The following THEM6 variants were observed in gnomAD, a reference collection of about 807,000 sequenced individuals.
THEM6 encodes thioesterase superfamily member 6, also known as protein THEM6.
Under a neutral mutation model 13.7 loss-of-function variants are expected in THEM6, and 10 were observed. That is an observed-to-expected ratio of 0.73 (90% CI 0.45 to 1.24). The LOEUF (loss-of-function observed/expected upper bound fraction) is 1.24, where lower values mean the gene tolerates loss of function less well. THEM6 is among the 50% of genes most tolerant of loss of function. The pLI, the probability that THEM6 is intolerant of heterozygous loss-of-function variation, is 0.00. For missense variants in THEM6, 317 were observed against 312.6 expected (o/e 1.01, Z -0.11); for synonymous variants, 161 against 156.0 (o/e 1.03, Z -0.24).
chr8:142,735,497 GA>G lies in THEM6; in HGVS notation c.*59del. 3 of 1,293,788 alleles carry G rather than the reference GA, an allele frequency of 2.3e-6. No homozygotes were observed. The highest frequency in any genetic ancestry group is 3.3e-6 in the Non-Finnish European group (3 of 916,820). The allele number at this position is 1,293,788 out of a possible 1,614,324, so 80.1% of individuals were successfully genotyped here. On this transcript the variant is annotated 3_prime_UTR_variant, in exon 2 of 2. Transcript: ENST00000336138. ...ATCCTGGGCCTGGGGGCTGCCCACA[GA>G]TGGGCAGTCTCAGCCATACTCTGTT...
At chr8:142,730,693 A>G (rs1428844185) in intron 1 of THEM6, among the ~76,000 whole-genome samples, 24 of 152,152 alleles carry the variant, frequency 1.6e-4, no homozygotes, top group African/African-American at 5.3e-4. Flanking sequence ...ATACCAGATA[A>G]GTTAAATTTT....
chr8:142,732,208 T>A (rs11785127), intron 1 of THEM6, among the ~76,000 whole-genome samples: 2,412 of 38,238 alleles, frequency 0.063, 43 homozygotes, highest in East Asian at 0.11. Flanking sequence ...ATATATATAT[T>A]TTAACTACTG....
At position 142,727,292 on chromosome 8, in the gene THEM6, G is replaced by A. The variant is rs1815507880; in HGVS notation, c.-55G>A. ...GGCGGGCACCGTAACCAGCGCCGCGGACACCGGCACCGGCGCCACGGACTC... is the reference window on the plus strand; with the variant it reads ...GGCGGGCACCGTAACCAGCGCCGCGAACACCGGCACCGGCGCCACGGACTC... On this transcript the variant is annotated 5_prime_UTR_variant, in exon 1 of 2. Coordinates refer to ENST00000336138, the MANE Select transcript of THEM6 (RefSeq NM_016647.3). 4 of 1,411,028 alleles carry A rather than the reference G, an allele frequency of 2.8e-6. No homozygotes were observed. The highest frequency in any genetic ancestry group is 2.7e-6 in the Non-Finnish European group (3 of 1,091,384). 87.4% of individuals were successfully genotyped at this position (1,411,028 alleles called of 1,614,324 possible). A position where few individuals can be genotyped will look rare whatever the true frequency, so the allele number is the denominator to read the frequency against.
intron 1 of THEM6, among the ~76,000 whole-genome samples, chr8:142,729,262 G>A (rs1234411384): frequency 6.6e-6 from 1 of 152,066 alleles, no homozygotes; most frequent in Non-Finnish European, 1.5e-5. Flanking sequence ...CCCCGGTGCC[G>A]TAAAGAAATA....
At chr8:142,731,235 A>G (rs587667306) in intron 1 of THEM6, among the ~76,000 whole-genome samples, 1 of 152,336 alleles carries the variant, frequency 6.6e-6, no homozygotes, top group South Asian at 2.1e-4. Context: ...AGCTTTAGCC[A>G]ATATGTTTAC....
chr8:142,731,465 A>G (rs1815645279), intron 1 of THEM6, among the ~76,000 whole-genome samples: 1 of 152,192 alleles, frequency 6.6e-6, no homozygotes, highest in African/African-American at 2.4e-5. Context: ...TAAATTATAC[A>G]CTATTTCTTG....
At chr8:142,732,926 A>G (rs1392503419) in intron 1 of THEM6, among the ~76,000 whole-genome samples, 1 of 152,218 alleles carries the variant, frequency 6.6e-6, no homozygotes, top group Non-Finnish European at 1.5e-5. Context: ...GTAAAGAAAC[A>G]GCAGTTGAAC....
rs1380972568 is a variant in THEM6, at chr8:142,735,799, C to T, written c.*360C>T. ...TGCCTCCCGAGCCTAGATCCTGGCTCGGACCACTGCAAGGGCCGAGGCAGG... is the reference window on the plus strand; with the variant it reads ...TGCCTCCCGAGCCTAGATCCTGGCTTGGACCACTGCAAGGGCCGAGGCAGG... On this transcript the variant is annotated 3_prime_UTR_variant, in exon 2 of 2. Coordinates refer to ENST00000336138, the MANE Select transcript of THEM6 (RefSeq NM_016647.3). 1.6e-5 allele frequency: 4 copies of T among 257,934 alleles called. No homozygotes were observed. Among genetic ancestry groups the T allele is most frequent in the East Asian group, 8.8e-5 (1 of 11,356 alleles). The allele number at this position is 257,934 out of a possible 1,614,324, so 16.0% of individuals were successfully genotyped here.
At chr8:142,733,444 T>A (rs1418691362) in intron 1 of THEM6, among the ~76,000 whole-genome samples, 1 of 152,228 alleles carries the variant, frequency 6.6e-6, no homozygotes, top group Admixed American at 6.5e-5. Context: ...GGTAGGAAAG[T>A]CTTTGAAGAG....
At position 142,727,773 on chromosome 8, in the gene THEM6, G is replaced by C. The variant is rs1563820917; in HGVS notation, c.427G>C (p.Gly143Arg). The part of the protein sequence containing the change: ...LEARFVSLRD[G>R]FVCALLRFRQ... ...GGCGCGCTTTGTCAGCCTGCGGGAC[G>C]GCTTCGTGTGCGCGCTGCTGCGCTT... The change falls in exon 1 of 2, where the codon GGC becomes CGC. Residue 143 changes from glycine to arginine, a missense_variant. Transcript: ENST00000336138. 6.8e-7 allele frequency: 1 copy of C among 1,465,022 alleles called. No individual in the cohort carries two copies. The highest frequency in any genetic ancestry group is 1.3e-5 in the South Asian group (1 of 74,806). The allele number at this position is 1,465,022 out of a possible 1,614,324, so 90.8% of individuals were successfully genotyped here. A position where few individuals can be genotyped will look rare whatever the true frequency, so the allele number is the denominator to read the frequency against.
Position 142,727,463 on chromosome 8 carries a change from G to A in THEM6, c.117G>A (p.Pro39=). ...CAVLRARLLQ[P]RVRDLLAEQR... ...TGCTGCGCGCGCGCCTGCTGCAGCC[G>A]CGCGTCCGTGACCTGCTAGCTGAGC... Residue 39 remains proline (P), a synonymous_variant, in exon 1 of 2, where the codon CCG becomes CCA. Transcript: ENST00000336138. 1 of 1,566,940 alleles carries A rather than the reference G, an allele frequency of 6.4e-7. No individual in the cohort carries two copies. The highest frequency in any genetic ancestry group is 1.2e-5 in the South Asian group (1 of 86,900).
chr8:142,727,641 G>C lies in THEM6; in HGVS notation c.295G>C (p.Val99Leu), dbSNP rs782458754. 2.0e-6 allele frequency: 3 copies of C among 1,464,084 alleles called. No homozygotes were observed. Among genetic ancestry groups the C allele is most frequent in the East Asian group, 2.9e-5 (1 of 34,770 alleles). The allele number at this position is 1,464,084 out of a possible 1,614,324, so 90.7% of individuals were successfully genotyped here. The change falls in exon 1 of 2, where the codon GTG (valine) becomes CTG (leucine). Residue 99 changes from valine to leucine, a missense_variant. Physicochemically the swap from Val to Leu is conservative, Grantham distance 32. Transcript: ENST00000336138. Reference sequence around the variant, plus strand: ...GCTGAGGGAGTTGCGGGCGCACACGGTGCTGGCGGCCTCGTGCGCGCGCCA... The same window carrying C: ...GCTGAGGGAGTTGCGGGCGCACACGCTGCTGGCGGCCTCGTGCGCGCGCCA... ...GALRELRAHT[V>L]LAASCARHRR...
Position 142,728,937 on chromosome 8 carries a change from C to CTTTT in THEM6, c.513+1095_513+1098dup, listed in dbSNP as rs58263738. Among the ~76,000 whole-genome samples the CTTTT allele has an allele frequency of 3.1e-4, 33 of 107,262 alleles. 1 individual carries two copies. The highest frequency in any genetic ancestry group is 6.2e-4 in the African/African-American group (17 of 27,616). The allele number at this position is 107,262 out of a possible 152,430, so 70.4% of individuals were successfully genotyped here. On this transcript the variant is annotated intron_variant, in intron 1 of 1. Coordinates refer to ENST00000336138, the MANE Select transcript of THEM6 (RefSeq NM_016647.3). ...TTGCAAGAATCAATATTACTATTTT[C>CTTTT]TTTTTTTTTTTTTTTTTTTTCAGAC... is the stretch of plus-strand genomic sequence containing the variant.
Position 142,727,836 on chromosome 8 carries a change from G to A in THEM6, c.490G>A (p.Val164Met). 2 of 1,448,176 alleles carry A rather than the reference G, an allele frequency of 1.4e-6. No homozygotes were observed. Among genetic ancestry groups the A allele is most frequent in the South Asian group, 1.4e-5 (1 of 71,898 alleles). 89.7% of individuals were successfully genotyped at this position (1,448,176 alleles called of 1,614,324 possible). Residue 164 changes from valine (V) to methionine (M), a missense_variant, in exon 1 of 2, where the codon GTG becomes ATG. Coordinates refer to ENST00000336138, the MANE Select transcript of THEM6 (RefSeq NM_016647.3). ...GCTGGGCACCTCACCCGAGCGCGTC[G>A]TGCAGCACCTGTGCCAGCGCAGGGT... Reference protein sequence around the residue: ...HLLGTSPERVVQHLCQRRVEP... With the variant: ...HLLGTSPERVMQHLCQRRVEP...
chr8:142,732,220 A>C (rs1815665696), intron 1 of THEM6, among the ~76,000 whole-genome samples: 1 of 113,124 alleles, frequency 8.8e-6, no homozygotes, highest in African/African-American at 3.2e-5. Context: ...TAACTACTGG[A>C]GGTTTGTGTG....
chr8:142,731,926 C>A (rs1587583003), intron 1 of THEM6, among the ~76,000 whole-genome samples: 2 of 152,050 alleles, frequency 1.3e-5, no homozygotes, highest in South Asian at 2.1e-4. Context: ...AAGAATTATG[C>A]CCTCTCACCT....
chr8:142,731,920 A>G (rs1554642975), intron 1 of THEM6, among the ~76,000 whole-genome samples: 1 of 151,952 alleles, frequency 6.6e-6, no homozygotes, highest in East Asian at 1.9e-4. Flanking sequence ...AATTGCAAGA[A>G]TTATGCCCTC....
chr8:142,728,941 T>TC (rs1554642695), intron 1 of THEM6, among the ~76,000 whole-genome samples: 30 of 141,698 alleles, frequency 2.1e-4, no homozygotes, highest in East Asian at 9.9e-4. Context: ...TATTTTCTTT[T>TC]TTTTTTTTTT....
rs1021332343 is a variant in THEM6, at chr8:142,727,571, C to T, written c.225C>T (p.Asp75=). Residue 75 remains aspartate, a synonymous_variant, in exon 1 of 2, where the codon GAC becomes GAT. Coordinates refer to ENST00000336138, the MANE Select transcript of THEM6 (RefSeq NM_016647.3). ...MNNARYLREA[D]FARVAHLTRC... ...ACGCGCGCTACCTGCGCGAGGCCGA[C>T]TTTGCGCGCGTCGCGCACCTGACCC... 8 of 1,537,894 alleles carry T rather than the reference C, an allele frequency of 5.2e-6. No homozygotes were observed. The African/African-American group carries it at 7.1e-5, about 14-fold the overall frequency.
Sources: allele counts gnomAD v4.1 joint callset (sites outside exome capture counted in the v4.1 genomes callset), GRCh38; gene constraint gnomAD v4.1.1; transcripts MANE v1.5; gene names NCBI Gene and HGNC (gene_info 2026-07-23, HGNC 2026-07-21).